Variants in ANKHD1 observed in about 807,000 individuals in gnomAD.
ANKHD1 encodes the protein ankyrin repeat and KH domain containing 1.
A neutral mutation model predicts 230.5 loss-of-function variants in ANKHD1; 31 were observed. The observed-to-expected ratio is 0.13, with a 90% CI of 0.10 to 0.18. ANKHD1 has a LOEUF of 0.18. Among genes scored for constraint, ANKHD1 ranks in the 10% least tolerant of loss-of-function variants. The pLI, the probability that ANKHD1 is intolerant of heterozygous loss-of-function variation, is 1.00. For synonymous variants in ANKHD1, 1,074 were observed against 1,117.6 expected (o/e 0.96, Z 0.78); for missense variants, 2,256 against 3,071.3 (o/e 0.73, Z 6.27).
chr5:140,481,675 G>C (rs1352300738), intron 10 of ANKHD1, among the ~76,000 whole-genome samples: 1 of 151,952 alleles, frequency 6.6e-6, no homozygotes, highest in African/African-American at 2.4e-5. Flanking sequence ...GTAATTATAG[G>C]ATTTTCAGAG....
chr5:140,500,453 C>A (rs1270739413), intron 15 of ANKHD1, among the ~76,000 whole-genome samples: 1 of 151,760 alleles, frequency 6.6e-6, no homozygotes, highest in African/African-American at 2.4e-5. Flanking sequence ...AGTTCAAGAC[C>A]AGCCTGGCCA....
chr5:140,512,421 A>G (rs1752811771), intron 22 of ANKHD1, among the ~76,000 whole-genome samples: 1 of 152,082 alleles, frequency 6.6e-6, no homozygotes, highest in Non-Finnish European at 1.5e-5. Flanking sequence ...AAAATTACTT[A>G]TTTTAGGACT....
At chr5:140,414,161 T>A (rs916138364) in intron 1 of ANKHD1, among the ~76,000 whole-genome samples, 3 of 152,226 alleles carry the variant, frequency 2.0e-5, no homozygotes, top group African/African-American at 7.2e-5. Flanking sequence ...AACATAGATA[T>A]GCAAATATCT....
chr5:140,447,101 G>T (rs931856086), intron 6 of ANKHD1, among the ~76,000 whole-genome samples: 1 of 151,938 alleles, frequency 6.6e-6, no homozygotes, highest in Non-Finnish European at 1.5e-5. Flanking sequence ...TAGAGACAGG[G>T]TTTCATCATA....
intron 1 of ANKHD1, among the ~76,000 whole-genome samples, chr5:140,414,576 A>T (rs1437420935): frequency 6.6e-6 from 1 of 152,184 alleles, no homozygotes; most frequent in East Asian, 1.9e-4. Flanking sequence ...TCACGCCTGT[A>T]ATCCCAGCAC....
chr5:140,538,346 T>C (rs1450474110), intron 32 of ANKHD1, 85 bp downstream of exon 32: 2 of 1,540,018 alleles, frequency 1.3e-6, no homozygotes, highest in Non-Finnish European at 1.7e-6. Flanking sequence ...ATTGAAATAA[T>C]GCTCCCTTTT....
At chr5:140,517,686 G>A (rs1387146230) in intron 24 of ANKHD1, among the ~76,000 whole-genome samples, 2 of 141,760 alleles carry the variant, frequency 1.4e-5, no homozygotes, top group African/African-American at 5.3e-5. Context: ...GCTCCTGAAT[G>A]ACTACTGGGT....
rs571766654 is a variant in ANKHD1, at chr5:140,487,809, G to A, written c.2245+749G>A. Among the ~76,000 whole-genome samples the A allele has an allele frequency of 1.8e-4, 27 of 152,178 alleles. No individual in the cohort carries two copies. The South Asian group carries it at 2.3e-3, about 13-fold the overall frequency. ...ATGTAAAAACAAACTTATGAACATC[G>A]TTCATTTAGTGTATGATAATCAAGT... On this transcript the variant is annotated intron_variant, in intron 14 of 33. Transcript: ENST00000360839.
At chr5:140,427,384 C>G (rs1581229701) in intron 1 of ANKHD1, among the ~76,000 whole-genome samples, 1 of 48,846 alleles carries the variant, frequency 2.0e-5, no homozygotes, top group Non-Finnish European at 4.2e-5. Context: ...GACCCCCCCC[C>G]ACCTCCCTCC....
At position 140,507,526 on chromosome 5, in the gene ANKHD1, C is replaced by G. The variant is rs778125552; in HGVS notation, c.3552-259C>G. Among the ~76,000 whole-genome samples the G allele has an allele frequency of 5.3e-5, 8 of 152,188 alleles. No homozygotes were observed. The highest frequency in any genetic ancestry group is 1.0e-4 in the Non-Finnish European group (7 of 68,026). On this transcript the variant is annotated intron_variant, in intron 19 of 33. Transcript: ENST00000360839. The surrounding 1 kb of genome is among the most constrained non-coding windows in gnomAD (Gnocchi z 4.1). ...TTCTCCATGTTGGTCAGGCTGGTCT[C>G]AAACTCCCGACCTCAGGTGATCTGC... is the stretch of plus-strand genomic sequence containing the variant.
chr5:140,536,028 T>C (rs995963191), intron 30 of ANKHD1: 2 of 152,254 alleles, frequency 1.3e-5, no homozygotes, highest in South Asian at 2.1e-4. Context: ...TGATTTCTCA[T>C]GTATTTTTAC....
At chr5:140,499,582 T>TTTTC (rs1752185407) in intron 15 of ANKHD1, among the ~76,000 whole-genome samples, 4 of 152,154 alleles carry the variant, frequency 2.6e-5, no homozygotes, top group Non-Finnish European at 5.9e-5. Context: ...TAATAAGTTG[T>TTTTC]TTATATAATT....
chr5:140,402,679 C>T (rs138113781), intron 1 of ANKHD1, among the ~76,000 whole-genome samples: 2 of 152,308 alleles, frequency 1.3e-5, no homozygotes, highest in Admixed American at 6.5e-5. Context: ...CTTTGCCTCT[C>T]CTCAGAGTTG....
At chr5:140,416,255 C>T (rs1016438214) in intron 1 of ANKHD1, among the ~76,000 whole-genome samples, 8 of 152,100 alleles carry the variant, frequency 5.3e-5, no homozygotes, top group South Asian at 2.1e-4. Flanking sequence ...CGTACGTGTG[C>T]GTGTGTCTTT....
rs1171488478 is a variant in ANKHD1 at position 140,459,217 on chromosome 5, G to A, written c.1534G>A (p.Ala512Thr). The change falls in exon 9 of 34, where the codon GCT (alanine) becomes ACT (threonine). Residue 512 changes from alanine (A) to threonine (T), a missense_variant. Ala to Thr is a moderately conservative substitution (Grantham distance 58). Around this residue, in one of 13 missense-constraint regions of ANKHD1, gnomAD observed 179 missense variants for 261.8 expected, o/e 0.68. Coordinates refer to ENST00000360839, the MANE Select transcript of ANKHD1 (RefSeq NM_017747.3). ...AACTCAAGAAACTGCTCTTACTTTGGCTTGCTGTGGAGGATTTTCTGAAGT... is the reference window on the plus strand; with the variant it reads ...AACTCAAGAAACTGCTCTTACTTTGACTTGCTGTGGAGGATTTTCTGAAGT... The part of the protein sequence containing the change: ...EETQETALTL[A>T]CCGGFSEVAD... The A allele has an allele frequency of 6.3e-7, 1 of 1,599,996 alleles. No homozygotes were observed. The highest frequency in any genetic ancestry group is 8.5e-7 in the Non-Finnish European group (1 of 1,170,444).
chr5:140,458,876 A>C lies in ANKHD1; in HGVS notation c.1480+14A>C. The C allele has an allele frequency of 6.3e-7, 1 of 1,579,390 alleles. No individual in the cohort carries two copies. The highest frequency in any genetic ancestry group is 1.1e-5 in the South Asian group (1 of 86,976). ...TCTTAGCACAAGGTAAAGCAGTTTT[A>C]CTTCTTTTAGAAAAATCAGTTTTCT... On this transcript the variant is annotated intron_variant, in intron 8 of 33. Transcript: ENST00000360839.
At chr5:140,468,292 C>A (rs1356587357) in intron 10 of ANKHD1, among the ~76,000 whole-genome samples, 1 of 150,580 alleles carries the variant, frequency 6.6e-6, no homozygotes. Context: ...AACAAAAAAA[C>A]AAAAACGTAG....
chr5:140,518,847 C>T (rs1753177345), intron 24 of ANKHD1, among the ~76,000 whole-genome samples: 1 of 152,192 alleles, frequency 6.6e-6, no homozygotes, highest in Non-Finnish European at 1.5e-5. Flanking sequence ...TGGGCAAAAA[C>T]TGGAAGCGTT....
chr5:140,419,780 TTCTTTC>T (rs1554084038), intron 1 of ANKHD1, among the ~76,000 whole-genome samples: 2 of 40,352 alleles, frequency 5.0e-5, no homozygotes, highest in East Asian at 6.2e-4. Flanking sequence ...TTCTTTTTCT[TTCTTTC>T]TTTCTTTCTT....
Sources: allele counts gnomAD v4.1 joint callset (sites outside exome capture counted in the v4.1 genomes callset), GRCh38; gene constraint gnomAD v4.1.1; regional missense constraint gnomAD v4.1.1; non-coding constraint Gnocchi (gnomAD v3.1); transcripts MANE v1.5; gene names NCBI Gene and HGNC (gene_info 2026-07-23, HGNC 2026-07-21).